HDAC9: variants seen among roughly 807,000 people sequenced by gnomAD.
HDAC9 encodes the protein histone deacetylase 9.
Under a neutral mutation model 139.4 loss-of-function variants are expected in HDAC9, and 41 were observed. The ratio of observed to expected loss-of-function variants is 0.29; its 90% CI spans 0.23 to 0.38. HDAC9 has a LOEUF of 0.38. Among genes scored for constraint, HDAC9 ranks in the 10% least tolerant of loss-of-function variants. The pLI, the probability that HDAC9 is intolerant of heterozygous loss-of-function variation, is 1.00. For missense variants in HDAC9, 1,147 were observed against 1,297.0 expected (o/e 0.88, Z 1.78); for synonymous variants, 517 against 476.2 (o/e 1.09, Z -1.12).
At chr7:18,710,579 G>A (rs1178116) in intron 12 of HDAC9, among the ~76,000 whole-genome samples, 23,207 of 152,036 alleles carry the variant, frequency 0.15, 2,155 homozygotes, top group East Asian at 0.28. Flanking sequence ...AAGCCCAAAG[G>A]AGGTTAAATA....
intron 1 of HDAC9, among the ~76,000 whole-genome samples, chr7:18,155,504 A>G (rs1217939168): frequency 6.6e-6 from 1 of 152,180 alleles, no homozygotes; most frequent in African/African-American, 2.4e-5. Flanking sequence ...GTTACCATTG[A>G]GTTATATTTA....
At chr7:18,141,732 AG>A (rs1448102664) in intron 1 of HDAC9, among the ~76,000 whole-genome samples, 2 of 151,996 alleles carry the variant, frequency 1.3e-5, no homozygotes, top group Middle Eastern at 3.2e-3. Context: ...TGTTATTCTT[AG>A]TGACTTGTAT....
chr7:18,431,234 C>T (rs952254207), intron 1 of HDAC9, among the ~76,000 whole-genome samples: 1 of 152,080 alleles, frequency 6.6e-6, no homozygotes, highest in Non-Finnish European at 1.5e-5. Flanking sequence ...GAAAATTAAT[C>T]GTTAGATATG....
At chr7:18,591,675 G>C (rs1831029452) in intron 5 of HDAC9, 33 bp downstream of exon 5, 1 of 1,608,486 alleles carries the variant, frequency 6.2e-7, no homozygotes, top group Non-Finnish European at 8.5e-7. Context: ...TTCATTCCTG[G>C]GGTAAAGAAC....
intron 16 of HDAC9, among the ~76,000 whole-genome samples, chr7:18,791,861 TC>T (rs1216619932): frequency 6.6e-6 from 1 of 152,198 alleles, no homozygotes. Context: ...AGTCATTTAA[TC>T]CTCACTAAAA....
chr7:18,381,695 ATAACT>A (rs1011568345), intron 1 of HDAC9, among the ~76,000 whole-genome samples: 43 of 152,168 alleles, frequency 2.8e-4, no homozygotes, highest in Non-Finnish European at 3.8e-4. Context: ...GAAAATAAAA[ATAACT>A]TAAATAATAA....
At chr7:18,989,345 A>C (rs546978991) in intron 25 of HDAC9, among the ~76,000 whole-genome samples, 3 of 151,720 alleles carry the variant, frequency 2.0e-5, no homozygotes, top group East Asian at 1.9e-4. Context: ...CTGGATATGA[A>C]ATTCTGGGTT....
At chr7:18,281,631 G>A (rs999214571) in intron 2 of HDAC9, among the ~76,000 whole-genome samples, 5 of 152,152 alleles carry the variant, frequency 3.3e-5, no homozygotes, top group African/African-American at 9.7e-5. Flanking sequence ...CTATTGAACC[G>A]TATTCTAAAC....
At chr7:18,516,675 A>G (rs955335343) in intron 2 of HDAC9, among the ~76,000 whole-genome samples, 2 of 152,172 alleles carry the variant, frequency 1.3e-5, no homozygotes, top group African/African-American at 4.8e-5. Context: ...AGCCTGGCCA[A>G]CATGGCCAAA....
chr7:18,913,063 C>A (rs940777159), intron 22 of HDAC9, among the ~76,000 whole-genome samples: 6 of 152,028 alleles, frequency 3.9e-5, no homozygotes, highest in African/African-American at 1.4e-4. Context: ...TAAAAACTTT[C>A]TATTTCTCTT....
intron 1 of HDAC9, among the ~76,000 whole-genome samples, chr7:18,117,914 C>T (rs944537216): frequency 6.6e-6 from 1 of 152,150 alleles, no homozygotes; most frequent in East Asian, 1.9e-4. Flanking sequence ...ACTCTTTCTC[C>T]TGTAGTTCCA....
rs1415773160 is a variant in HDAC9, at chr7:18,422,742, G to GCA, written c.-41-73519_-41-73518insAC. ...GTCATTAGCTTTAAGACACACACAC[G>GCA]CGCACACACACACACACACACACAC... On this transcript the variant is annotated intron_variant, in intron 1 of 3. Coordinates refer to the HDAC9 transcript ENST00000413509. Among the ~76,000 whole-genome samples, 802 of 136,194 alleles carry GCA rather than the reference G, an allele frequency of 5.9e-3. 2 individuals are homozygous for GCA. Among genetic ancestry groups the GCA allele is most frequent in the African/African-American group, 0.016 (543 of 33,648 alleles). 89.3% of individuals were successfully genotyped at this position (136,194 alleles called of 152,430 possible).
chr7:18,476,887 G>A (rs1182083136), intron 1 of HDAC9, among the ~76,000 whole-genome samples: 1 of 152,132 alleles, frequency 6.6e-6, no homozygotes. Context: ...TCTATTGTTT[G>A]CAAAGTTCTG....
intron 12 of HDAC9, among the ~76,000 whole-genome samples, chr7:18,687,555 T>G (rs1782361154): frequency 2.0e-5 from 3 of 151,820 alleles, no homozygotes; most frequent in African/African-American, 4.8e-5. Flanking sequence ...TTTTCACATC[T>G]CCGGGTATAG....
chr7:18,285,966 G>A (rs1366737665), upstream of HDAC9, among the ~76,000 whole-genome samples: 3 of 152,050 alleles, frequency 2.0e-5, no homozygotes, highest in Non-Finnish European at 4.4e-5. Context: ...TTTATGCTGG[G>A]CAACTGGTAA....
rs151137894 is a variant in HDAC9, at chr7:18,965,694, G to C, written c.3023-10112G>C. Among the ~76,000 whole-genome samples, 1,490 of 152,300 alleles carry C rather than the reference G, an allele frequency of 9.8e-3. 10 individuals carry two copies. The highest frequency in any genetic ancestry group is 0.014 in the Non-Finnish European group (970 of 68,024). On this transcript the variant is annotated intron_variant, in intron 24 of 25. Coordinates refer to ENST00000686413, the MANE Select transcript of HDAC9 (RefSeq NM_178425.4). ...CTCAGAGTTATTTCATGTGAGCTGC[G>C]AGGGAGCAGAGAAATTTATGCTCCA... is the stretch of plus-strand genomic sequence containing the variant.
chr7:18,452,893 C>G (rs972225622), intron 1 of HDAC9, among the ~76,000 whole-genome samples: 3 of 152,098 alleles, frequency 2.0e-5, no homozygotes, highest in African/African-American at 7.2e-5. Context: ...TCGGGTATAT[C>G]TTTATTAGAA....
intron 1 of HDAC9, among the ~76,000 whole-genome samples, chr7:18,485,442 TTTATATATATTTA>T (rs1180959539): frequency 1.3e-5 from 2 of 149,740 alleles, no homozygotes; most frequent in African/African-American, 4.9e-5. Flanking sequence ...TCATATTTAA[TTTATATATATTTA>T]TTATATATAT....
At chr7:18,514,163 T>A (rs1035351456) in intron 2 of HDAC9, among the ~76,000 whole-genome samples, 1 of 152,238 alleles carries the variant, frequency 6.6e-6, no homozygotes, top group Admixed American at 6.5e-5. Context: ...TGTATGTGTA[T>A]ATGCATATAC....
Sources: allele counts gnomAD v4.1 joint callset (sites outside exome capture counted in the v4.1 genomes callset), GRCh38; gene constraint gnomAD v4.1.1; transcripts MANE v1.5; gene names NCBI Gene and HGNC (gene_info 2026-07-23, HGNC 2026-07-21).